MROH1: variants seen among roughly 807,000 people sequenced by gnomAD.
MROH1 encodes the protein maestro heat like repeat family member 1.
Under a neutral mutation model 116.5 loss-of-function variants are expected in MROH1, and 117 were observed. The ratio of observed to expected loss-of-function variants is 1.00; its 90% CI spans 0.86 to 1.17. MROH1 has a LOEUF of 1.17. Ranked by LOEUF, MROH1 falls within the 50% of genes most tolerant of loss-of-function variation. The pLI, the probability that MROH1 is intolerant of heterozygous loss-of-function variation, is 0.00. For synonymous variants in MROH1, 921 were observed against 583.9 expected (o/e 1.58, Z -8.32); for missense variants, 1,873 against 1,338.5 (o/e 1.40, Z -6.23).
chr8:144,169,505 T>G (rs1251654962), intron 4 of MROH1, among the ~76,000 whole-genome samples: 1 of 150,960 alleles, frequency 6.6e-6, no homozygotes, highest in African/African-American at 2.4e-5. Flanking sequence ...CGGGCTGGAG[T>G]GCAGTGGACC....
chr8:144,192,641 G>A, intron 10 of MROH1: 1 of 681,590 alleles, frequency 1.5e-6, no homozygotes, highest in East Asian at 2.8e-5. Context: ...GGCAGGAGTG[G>A]GTGCCCAGGC....
At chr8:144,157,021 T>G (rs1438783962) in intron 1 of MROH1, among the ~76,000 whole-genome samples, 1 of 152,168 alleles carries the variant, frequency 6.6e-6, no homozygotes, top group East Asian at 1.9e-4. Flanking sequence ...AGTGGCGTGA[T>G]CTCGGCTCAC....
At chr8:144,188,449 ATTTTTTTTTTTTTTTTTTTTTTT>A (rs573524223) in intron 7 of MROH1, among the ~76,000 whole-genome samples, 3 of 45,836 alleles carry the variant, frequency 6.5e-5, no homozygotes, top group South Asian at 2.5e-3. Flanking sequence ...CCACTGCCCA[ATTTTTTTTTTTTTTTTTTTTTTT>A]TTTTTTTTTT....
rs1315703743 is a variant in MROH1 at position 144,180,382 on chromosome 8, TG to T, written c.464-41del. On this transcript the variant is annotated intron_variant, in intron 6 of 43. Transcript: ENST00000326134. The surrounding 1 kb of genome is among the most constrained non-coding windows in gnomAD (Gnocchi z 7.4). ...CTGCCCCAGGAGGAGCACGGGGCGC[TG>T]GAAGCCTTGGCGGAGGCCTTTGACG... is the stretch of plus-strand genomic sequence containing the variant. 2.5e-6 allele frequency: 4 copies of T among 1,610,546 alleles called. No homozygotes were observed. Among genetic ancestry groups the T allele is most frequent in the Non-Finnish European group, 3.4e-6 (4 of 1,178,970 alleles).
rs142783845 is a variant in MROH1 at position 144,164,751 on chromosome 8, A to G, written c.22+903A>G. Among the ~76,000 whole-genome samples, 1,001 of 152,218 alleles carry G rather than the reference A, an allele frequency of 6.6e-3. 7 individuals are homozygous for G. Among genetic ancestry groups the G allele is most frequent in the African/African-American group, 0.023 (958 of 41,538 alleles). ...CTCCAGGTTTTCATCAGAAAAAAAA[A>G]ATTAGCAGTTTTCAAAGGCTGTTCA... On this transcript the variant is annotated intron_variant, in intron 3 of 43. Coordinates refer to ENST00000326134, the MANE Select transcript of MROH1 (RefSeq NM_032450.3).
intron 35 of MROH1, among the ~76,000 whole-genome samples, chr8:144,258,424 G>C (rs1844328959): frequency 1.3e-5 from 2 of 152,220 alleles, no homozygotes; most frequent in Non-Finnish European, 2.9e-5. Flanking sequence ...ACAGGCCCGG[G>C]GTGGGGGGCA....
At chr8:144,209,073 G>GTGTGTA (rs1307650402) in intron 12 of MROH1, among the ~76,000 whole-genome samples, 4 of 123,738 alleles carry the variant, frequency 3.2e-5, no homozygotes, top group African/African-American at 1.2e-4. Context: ...GTGTGTGTGT[G>GTGTGTA]TTTAGTGGAG....
At chr8:144,198,086 G>GA (rs1830351930) in intron 10 of MROH1, among the ~76,000 whole-genome samples, 1 of 151,774 alleles carries the variant, frequency 6.6e-6, no homozygotes, top group Non-Finnish European at 1.5e-5. Flanking sequence ...AAATAACAAG[G>GA]AGCTACCTGG....
intron 19 of MROH1, 96 bp downstream of exon 19, chr8:144,240,249 A>C: frequency 1.5e-6 from 1 of 649,224 alleles, no homozygotes; most frequent in East Asian, 2.7e-5. Context: ...CCTCGACCTC[A>C]CCTCGTGGTT....
intron 14 of MROH1, among the ~76,000 whole-genome samples, chr8:144,236,470 G>A (rs1420494897): frequency 1.3e-5 from 2 of 152,204 alleles, no homozygotes; most frequent in African/African-American, 2.4e-5. Flanking sequence ...GCCGGGTGCG[G>A]TGGCTCACGC....
chr8:144,209,848 G>A (rs1413043421), intron 12 of MROH1, among the ~76,000 whole-genome samples: 1 of 149,924 alleles, frequency 6.7e-6, no homozygotes, highest in Admixed American at 6.7e-5. Context: ...CGAGGCTGCA[G>A]TGAGCTGTGA....
At chr8:144,255,822 T>C in intron 35 of MROH1, 117 bp downstream of exon 35, 2 of 644,114 alleles carry the variant, frequency 3.1e-6, no homozygotes, top group Non-Finnish European at 5.7e-6. Context: ...GGGAGTGACT[T>C]TGCTTCCAGG....
intron 13 of MROH1, among the ~76,000 whole-genome samples, chr8:144,222,568 A>G (rs1020577618): frequency 3.3e-5 from 5 of 151,878 alleles, no homozygotes; most frequent in African/African-American, 9.7e-5. Flanking sequence ...AGGTATAGAT[A>G]TGGGTGTGAG....
intron 12 of MROH1, among the ~76,000 whole-genome samples, chr8:144,203,675 G>A (rs12543945): frequency 0.03 from 4,597 of 152,220 alleles, 83 homozygotes; most frequent in Middle Eastern, 0.048. Context: ...TCAGAGGCAT[G>A]GGGCGTGTGG....
At chr8:144,181,725 G>A (rs1825765827) in intron 7 of MROH1, among the ~76,000 whole-genome samples, 1 of 152,166 alleles carries the variant, frequency 6.6e-6, no homozygotes, top group Non-Finnish European at 1.5e-5. Context: ...GTGGGTGTGG[G>A]TGTGGACTCA....
rs984842976 is a variant in MROH1, at chr8:144,258,102, T to C, written c.3792-675T>C. Among the ~76,000 whole-genome samples the C allele has an allele frequency of 1.9e-3, 286 of 152,274 alleles. 1 individual carries two copies. The highest frequency in any genetic ancestry group is 3.4e-3 in the Middle Eastern group (1 of 294). ...TCGATGCCAGGCTCAAGCTGGGCCCTGTAGAGGCTTCAACATCAGACTCTC... is the reference window on the plus strand; with the variant it reads ...TCGATGCCAGGCTCAAGCTGGGCCCCGTAGAGGCTTCAACATCAGACTCTC... On this transcript the variant is annotated intron_variant, in intron 35 of 43. Coordinates refer to ENST00000326134, the MANE Select transcript of MROH1 (RefSeq NM_032450.3).
At chr8:144,219,082 G>A (rs1345063280) in intron 12 of MROH1, among the ~76,000 whole-genome samples, 1 of 150,822 alleles carries the variant, frequency 6.6e-6, no homozygotes, top group Non-Finnish European at 1.5e-5. Context: ...GAGTGCAGTG[G>A]TGCGATCTCA....
At position 144,242,399 on chromosome 8, in the gene MROH1, A is replaced by C; in HGVS notation, c.2209A>C (p.Lys737Gln). 1 of 780,700 alleles carries C rather than the reference A, an allele frequency of 1.3e-6. No individual in the cohort carries two copies. The allele number at this position is 780,700 out of a possible 1,614,324, so 48.4% of individuals were successfully genotyped here. Residue 737 changes from lysine (K) to glutamine (Q), a missense_variant, in exon 23 of 44, where the codon AAG (lysine) becomes CAG (glutamine). Lys to Gln is a moderately conservative substitution (Grantham distance 53, BLOSUM62 1). Coordinates refer to ENST00000326134, the MANE Select transcript of MROH1 (RefSeq NM_032450.3). ...DRSENEVEKV[K>Q]SALILCYGHV... ...AAGTGAGAACGAAGTGGAGAAGGTG[A>C]AGAGTGCTCTGATCCTGTGCTATGG...
chr8:144,175,010 A>G, intron 4 of MROH1: 1 of 985,460 alleles, frequency 1.0e-6, no homozygotes, highest in Non-Finnish European at 1.2e-6. Flanking sequence ...GGAAAAAAGC[A>G]AAGATTTCCC....
Sources: gnomAD v4.1 joint callset for allele counts (sites outside exome capture counted in the v4.1 genomes callset) on GRCh38, gnomAD v4.1.1 for gene constraint, Gnocchi (gnomAD v3.1) non-coding constraint, MANE v1.5 for transcripts, NCBI Gene and HGNC (gene_info 2026-07-23, HGNC 2026-07-21) for gene names.